PSEN1: variants seen among roughly 807,000 people sequenced by gnomAD.
PSEN1 encodes presenilin 1.
A neutral mutation model predicts 53.5 loss-of-function variants in PSEN1; 15 were observed. The ratio of observed to expected loss-of-function variants is 0.28; its 90% CI spans 0.19 to 0.43. PSEN1 has a LOEUF of 0.43. Ranked by LOEUF, PSEN1 falls within the 20% of genes least tolerant of loss-of-function variation. The pLI is 1.00. For synonymous variants in PSEN1, 208 were observed against 209.8 expected (o/e 0.99, Z 0.08); for missense variants, 387 against 571.2 (o/e 0.68, Z 3.29).
intron 5 of PSEN1, among the ~76,000 whole-genome samples, chr14:73,184,877 T>C: frequency 6.9e-6 from 1 of 144,640 alleles, no homozygotes; most frequent in African/African-American, 2.6e-5. Context: ...GAGGGGCTCC[T>C]CACTTCTCAG....
At chr14:73,207,787 C>T (rs997787876) in intron 9 of PSEN1, among the ~76,000 whole-genome samples, 2 of 152,216 alleles carry the variant, frequency 1.3e-5, no homozygotes, top group Admixed American at 1.3e-4. Flanking sequence ...CCATGCCTGC[C>T]AAAGGCAAGC....
chr14:73,164,862 T>A (rs1467290632), intron 3 of PSEN1, among the ~76,000 whole-genome samples: 1 of 151,238 alleles, frequency 6.6e-6, no homozygotes, highest in African/African-American at 2.4e-5. Flanking sequence ...TCTTTTATTT[T>A]CATATATATA....
At chr14:73,158,173 T>C (rs946551745) in intron 3 of PSEN1, among the ~76,000 whole-genome samples, 1 of 152,170 alleles carries the variant, frequency 6.6e-6, no homozygotes, top group Non-Finnish European at 1.5e-5. Flanking sequence ...CTGTTACGGA[T>C]ATTCATGTAC....
chr14:73,149,738 T>C (rs1897165728), intron 3 of PSEN1, among the ~76,000 whole-genome samples: 1 of 152,206 alleles, frequency 6.6e-6, no homozygotes, highest in Admixed American at 6.5e-5. Flanking sequence ...TATAATCAAA[T>C]TGAAATAATT....
intron 7 of PSEN1, among the ~76,000 whole-genome samples, chr14:73,194,912 T>C (rs1300035252): frequency 6.6e-6 from 1 of 152,188 alleles, no homozygotes; most frequent in African/African-American, 2.4e-5. Flanking sequence ...CTAAAATGTT[T>C]GGTGGCCTGT....
intron 3 of PSEN1, among the ~76,000 whole-genome samples, chr14:73,152,623 A>T (rs925497954): frequency 1.3e-5 from 2 of 151,870 alleles, no homozygotes; most frequent in Admixed American, 6.6e-5. Flanking sequence ...GAAAAAAAAA[A>T]CCCACAAAAG....
chr14:73,188,701 A>G (rs953093745), intron 6 of PSEN1, among the ~76,000 whole-genome samples: 3 of 152,198 alleles, frequency 2.0e-5, no homozygotes, highest in Non-Finnish European at 4.4e-5. Flanking sequence ...CTAAAGGCCA[A>G]TGTCATCCTC....
At chr14:73,196,481 T>TC (rs1898948521) in intron 7 of PSEN1, among the ~76,000 whole-genome samples, 1 of 145,214 alleles carries the variant, frequency 6.9e-6, no homozygotes. Flanking sequence ...GAAATTTTTT[T>TC]TTTTTTTTTT....
chr14:73,200,513 C>T (rs146833908), intron 8 of PSEN1, among the ~76,000 whole-genome samples: 6 of 152,258 alleles, frequency 3.9e-5, no homozygotes, highest in African/African-American at 1.4e-4. Context: ...GCCTCAGACT[C>T]CCAAAGCATT....
At chr14:73,183,551 C>T (rs1422195602) in intron 5 of PSEN1, among the ~76,000 whole-genome samples, 12 of 152,136 alleles carry the variant, frequency 7.9e-5, no homozygotes, top group African/African-American at 4.8e-5. Flanking sequence ...CATCTTGCAC[C>T]GCCCTTAATC....
At chr14:73,201,700 G>T (rs961865096) in intron 8 of PSEN1, among the ~76,000 whole-genome samples, 2 of 152,106 alleles carry the variant, frequency 1.3e-5, no homozygotes, top group African/African-American at 4.8e-5. Context: ...CAGGAGAACA[G>T]GTTTCAGGAA....
Position 73,221,478 on chromosome 14 carries a change from A to G in PSEN1, c.*2189A>G, listed in dbSNP as rs1900116908. On this transcript the variant is annotated 3_prime_UTR_variant, in exon 12 of 12. Transcript: ENST00000324501. ...GGGTGTGTGTATTTAAATCCATCCT[A>G]TGTATTACTGATTGTCCTGTGTAGA... is the stretch of plus-strand genomic sequence containing the variant. 6.6e-6 allele frequency: 1 copy of G among 151,962 alleles called. No homozygotes were observed. Among genetic ancestry groups the G allele is most frequent in the Non-Finnish European group, 1.5e-5 (1 of 68,032 alleles). The allele number at this position is 151,962 out of a possible 1,614,324, so 9.4% of individuals were successfully genotyped here.
At position 73,170,907 on chromosome 14, in the gene PSEN1, T is replaced by C; in HGVS notation, c.198T>C (p.Asp66=). 6.2e-7 allele frequency: 1 copy of C among 1,614,156 alleles called. No individual in the cohort carries two copies. The highest frequency in any genetic ancestry group is 1.1e-5 in the South Asian group (1 of 91,074). The change falls in exon 4 of 12, where the codon GAT becomes GAC. Residue 66 remains aspartate, a synonymous_variant. Transcript: ENST00000324501. ...QGNSRQVVEQ[D]EEEDEELTLK... is the part of the protein sequence containing the mutation. ...ACTCCCGGCAGGTGGTGGAGCAAGA[T>C]GAGGAAGAAGATGAGGAGCTGACAT...
At chr14:73,165,838 A>G (rs1349947193) in intron 3 of PSEN1, among the ~76,000 whole-genome samples, 2 of 150,820 alleles carry the variant, frequency 1.3e-5, no homozygotes, top group East Asian at 3.9e-4. Context: ...TGGGCGGATC[A>G]TGAGGTCAGG....
At chr14:73,179,672 T>C (rs1405421095) in intron 5 of PSEN1, among the ~76,000 whole-genome samples, 2 of 152,182 alleles carry the variant, frequency 1.3e-5, no homozygotes, top group Non-Finnish European at 2.9e-5. Flanking sequence ...AGGAGACCTC[T>C]TTCCTGATCC....
At position 73,158,286 on chromosome 14, in the gene PSEN1, A is replaced by ATCTATCTATCTG. The variant is rs767775901; in HGVS notation, c.87+10191_87+10192insGTCTATCTATCT. ...AGGTGTATATTTAACTTTTTTTTCT[A>ATCTATCTATCTG]TCTATCTATCTATCTATCTATCTAT... On this transcript the variant is annotated intron_variant, in intron 3 of 11. Transcript: ENST00000324501. 1.3e-3 allele frequency among the ~76,000 whole-genome samples: 129 copies of ATCTATCTATCTG among 95,586 alleles called. 1 individual carries two copies. Among genetic ancestry groups the ATCTATCTATCTG allele is most frequent in the African/African-American group, 5.2e-3 (120 of 23,268 alleles). The allele number at this position is 95,586 out of a possible 152,430, so 62.7% of individuals were successfully genotyped here.
intron 3 of PSEN1, among the ~76,000 whole-genome samples, chr14:73,165,887 C>A (rs1897698439): frequency 6.6e-6 from 1 of 151,796 alleles, no homozygotes; most frequent in Admixed American, 6.6e-5. Flanking sequence ...GAAACCCTGT[C>A]TCTACTAAAA....
intron 1 of PSEN1, among the ~76,000 whole-genome samples, chr14:73,144,131 C>T (rs1466533744): frequency 6.8e-6 from 1 of 146,538 alleles, no homozygotes; most frequent in Non-Finnish European, 1.5e-5. Flanking sequence ...ACCTCTGCCT[C>T]CTGGGTTCAA....
intron 5 of PSEN1, among the ~76,000 whole-genome samples, chr14:73,185,906 A>G (rs1440603232): frequency 6.6e-6 from 1 of 152,214 alleles, no homozygotes; most frequent in Non-Finnish European, 1.5e-5. Context: ...GAGGAGCTAG[A>G]CAGAAATTTT....
Sources: gnomAD v4.1 joint callset for allele counts (sites outside exome capture counted in the v4.1 genomes callset) on GRCh38, gnomAD v4.1.1 for gene constraint, MANE v1.5 for transcripts, NCBI Gene and HGNC (gene_info 2026-07-23, HGNC 2026-07-21) for gene names.